GPR39: variants seen among roughly 807,000 people sequenced by gnomAD.
GPR39 encodes G protein-coupled receptor 39, also known as zinc sensing receptor.
GPR39 carries 23 observed loss-of-function variants against 18.4 expected under a neutral mutation model. The ratio of observed to expected loss-of-function variants is 1.25; its 90% CI spans 0.90 to 1.77. The LOEUF (loss-of-function observed/expected upper bound fraction) is 1.77. GPR39 is among the 40% of genes most tolerant of loss of function. The pLI is 0.00. For missense variants in GPR39, 647 were observed against 602.4 expected, an observed-to-expected ratio of 1.07 and a Z score of -0.78; for synonymous variants, 280 against 257.9, an observed-to-expected ratio of 1.09 and a Z score of -0.82.
chr2:132,578,161 C>T (rs1230257456), intron 1 of GPR39, among the ~76,000 whole-genome samples: 4 of 148,030 alleles, frequency 2.7e-5, no homozygotes, highest in African/African-American at 7.5e-5. Flanking sequence ...TTGAGCTTGT[C>T]GATGTGGTAG....
intron 1 of GPR39, among the ~76,000 whole-genome samples, chr2:132,623,898 C>T (rs766855188): frequency 1.2e-4 from 18 of 152,074 alleles, no homozygotes; most frequent in Non-Finnish European, 2.6e-4. Context: ...AGCTGATGCT[C>T]CAGGGTAGAG....
At chr2:132,567,350 T>G (rs1432552835) in intron 1 of GPR39, among the ~76,000 whole-genome samples, 1 of 152,094 alleles carries the variant, frequency 6.6e-6, no homozygotes, top group South Asian at 2.1e-4. Context: ...AAAAGGTGAT[T>G]GAGTCATGAA....
chr2:132,560,280 A>G (rs141211599), intron 1 of GPR39, among the ~76,000 whole-genome samples: 11 of 151,922 alleles, frequency 7.2e-5, no homozygotes, highest in African/African-American at 2.7e-4. Context: ...CCTTCTCGAT[A>G]GCTCCCACCT....
intron 1 of GPR39, among the ~76,000 whole-genome samples, chr2:132,512,340 C>T (rs1433620247): frequency 6.6e-6 from 1 of 152,148 alleles, no homozygotes; most frequent in African/African-American, 2.4e-5. Context: ...TTAAGGGATT[C>T]TGAAAGAGAT....
chr2:132,437,474 G>T (rs1271919994), intron 1 of GPR39, among the ~76,000 whole-genome samples: 1 of 152,150 alleles, frequency 6.6e-6, no homozygotes, highest in South Asian at 2.1e-4. Context: ...AATGTGTGAA[G>T]TGTAGGCCCT....
chr2:132,520,354 T>C (rs952657763), intron 1 of GPR39, among the ~76,000 whole-genome samples: 5 of 152,214 alleles, frequency 3.3e-5, no homozygotes, highest in Admixed American at 3.3e-4. Context: ...TTGCCTTTCA[T>C]TTTTGAATCC....
intron 1 of GPR39, among the ~76,000 whole-genome samples, chr2:132,582,916 T>C (rs1295649739): frequency 3.8e-5 from 1 of 26,360 alleles, no homozygotes; most frequent in Non-Finnish European, 7.8e-5. Context: ...TCTTTCTTTC[T>C]TTTTTTTTTT....
At chr2:132,615,853 C>A (rs1681324439) in intron 1 of GPR39, among the ~76,000 whole-genome samples, 1 of 151,972 alleles carries the variant, frequency 6.6e-6, no homozygotes. Context: ...AGGTGTTGAT[C>A]CTGCACTTGC....
intron 1 of GPR39, among the ~76,000 whole-genome samples, chr2:132,505,010 G>A (rs1391206320): frequency 1.3e-5 from 2 of 152,154 alleles, no homozygotes; most frequent in Admixed American, 1.3e-4. Context: ...CTAATAAATA[G>A]GCATGTGCCT....
At chr2:132,536,082 T>TAA (rs2104780861) in intron 1 of GPR39, among the ~76,000 whole-genome samples, 1 of 152,092 alleles carries the variant, frequency 6.6e-6, no homozygotes, top group South Asian at 2.1e-4. Flanking sequence ...TCAGTTCTGG[T>TAA]CTGATCTTAG....
At chr2:132,505,374 G>A (rs1394301232) in intron 1 of GPR39, among the ~76,000 whole-genome samples, 2 of 152,060 alleles carry the variant, frequency 1.3e-5, no homozygotes, top group Admixed American at 6.6e-5. Flanking sequence ...CACCACCTGG[G>A]GAAGTTATCA....
At chr2:132,492,418 T>C (rs985676765) in intron 1 of GPR39, among the ~76,000 whole-genome samples, 15 of 139,868 alleles carry the variant, frequency 1.1e-4, no homozygotes, top group African/African-American at 4.0e-4. Context: ...ACCATATATA[T>C]ACCATATATA....
intron 1 of GPR39, among the ~76,000 whole-genome samples, chr2:132,511,276 A>T (rs7595520): frequency 0.55 from 83,494 of 152,076 alleles, 23,625 homozygotes; most frequent in Non-Finnish European, 0.62. Flanking sequence ...CAACAAATCA[A>T]GTTTTTCTAA....
chr2:132,620,140 A>AG (rs1286419790), intron 1 of GPR39, among the ~76,000 whole-genome samples: 1 of 152,160 alleles, frequency 6.6e-6, no homozygotes, highest in East Asian at 1.9e-4. Flanking sequence ...CTTCTTCCTG[A>AG]GGGTGAGGCC....
intron 1 of GPR39, among the ~76,000 whole-genome samples, chr2:132,468,250 G>T (rs186101704): frequency 1.2e-4 from 19 of 152,236 alleles, no homozygotes; most frequent in Middle Eastern, 3.4e-3. Context: ...ACAGTTTCCT[G>T]TCCTCAAAAA....
At chr2:132,516,467 G>T (rs1414387021) in intron 1 of GPR39, among the ~76,000 whole-genome samples, 3 of 152,156 alleles carry the variant, frequency 2.0e-5, no homozygotes, top group African/African-American at 7.2e-5. Flanking sequence ...ATGATAGAGG[G>T]TGTCTTGGGG....
intron 1 of GPR39, among the ~76,000 whole-genome samples, chr2:132,484,152 C>T (rs1019573160): frequency 2.6e-5 from 4 of 152,176 alleles, no homozygotes; most frequent in African/African-American, 4.8e-5. Context: ...CTCATGATCA[C>T]TGATGTGTTG....
intron 1 of GPR39, among the ~76,000 whole-genome samples, chr2:132,593,930 C>T (rs1035033681): frequency 5.3e-5 from 8 of 152,162 alleles, no homozygotes; most frequent in Admixed American, 6.5e-5. Flanking sequence ...GGTCACCCAT[C>T]GTTGCCTAGA....
At chr2:132,525,758 A>G (rs1042297535) in intron 1 of GPR39, among the ~76,000 whole-genome samples, 8 of 152,218 alleles carry the variant, frequency 5.3e-5, no homozygotes, top group Non-Finnish European at 8.8e-5. Flanking sequence ...ATGATCTCCA[A>G]GGCCAGTTAT....
Sources: allele counts gnomAD v4.1 joint callset (sites outside exome capture counted in the v4.1 genomes callset), GRCh38; gene constraint gnomAD v4.1.1; transcripts MANE v1.5; gene names NCBI Gene and HGNC (gene_info 2026-07-23, HGNC 2026-07-21).